ATP9A: variants seen among roughly 807,000 people sequenced by gnomAD.
ATP9A encodes the protein ATPase phospholipid transporting 9A, also known as probable phospholipid-transporting ATPase IIA.
ATP9A carries 52 observed loss-of-function variants against 144.1 expected under a neutral mutation model. The ratio of observed to expected loss-of-function variants is 0.36; its 90% CI spans 0.29 to 0.45. The LOEUF (loss-of-function observed/expected upper bound fraction) is 0.45, where lower values mean the gene tolerates loss of function less well. Among genes scored for constraint, ATP9A ranks in the 20% least tolerant of loss-of-function variants. The probability of loss-of-function intolerance (pLI) is 1.00; values close to 1 mark genes in which losing one functional copy is unlikely to be tolerated. For synonymous variants in ATP9A, 582 were observed against 557.4 expected, an observed-to-expected ratio of 1.04 and a Z score of -0.62; for missense variants, 947 against 1,392.7, an observed-to-expected ratio of 0.68 and a Z score of 5.09.
At chr20:51,661,522 C>T (rs2077410615) in intron 13 of ATP9A, among the ~76,000 whole-genome samples, 1 of 130,646 alleles carries the variant, frequency 7.7e-6, no homozygotes, top group Non-Finnish European at 1.6e-5. Context: ...ACCACCATGC[C>T]CAGCTTTTTT....
intron 3 of ATP9A, among the ~76,000 whole-genome samples, chr20:51,718,297 G>A (rs962996380): frequency 1.1e-4 from 17 of 151,464 alleles, no homozygotes; most frequent in African/African-American, 3.9e-4. Flanking sequence ...GCACTGGAAG[G>A]AAACACACCA....
chr20:51,631,676 AC>A (rs1389139398), intron 15 of ATP9A, among the ~76,000 whole-genome samples: 2 of 152,102 alleles, frequency 1.3e-5, no homozygotes, highest in African/African-American at 4.8e-5. Flanking sequence ...ATCTTTTCCC[AC>A]CGTGGTCTGC....
In ATP9A at chr20:51,744,538, C is replaced by G. The variant is rs76174395; in HGVS notation, c.69-14560G>C. 9.2e-3 allele frequency among the ~76,000 whole-genome samples: 1,395 copies of G among 152,314 alleles called. 19 individuals are homozygous for G. Among genetic ancestry groups the G allele is most frequent in the African/African-American group, 0.032 (1,312 of 41,562 alleles). ...TTAAGACAAATAAAGGTTTTAACAG[C>G]AGATAGTCTGCTAACCAGATGTGCA... On this transcript the variant is annotated intron_variant, in intron 1 of 27. Transcript: ENST00000338821.
At chr20:51,695,457 G>A (rs905826999) in intron 6 of ATP9A, among the ~76,000 whole-genome samples, 55 of 128,910 alleles carry the variant, frequency 4.3e-4, no homozygotes, top group African/African-American at 1.3e-3. Context: ...AGCAAGACCC[G>A]GTCTCAAGGA....
At chr20:51,758,915 ACT>A (rs1034082146) in intron 1 of ATP9A, among the ~76,000 whole-genome samples, 10 of 151,878 alleles carry the variant, frequency 6.6e-5, no homozygotes, top group African/African-American at 2.2e-4. Flanking sequence ...ACAGAAGGAG[ACT>A]CTGTCTCAAA....
intron 4 of ATP9A, among the ~76,000 whole-genome samples, chr20:51,708,243 G>A (rs1320141488): frequency 6.6e-6 from 1 of 150,992 alleles, no homozygotes; most frequent in Non-Finnish European, 1.5e-5. Context: ...ACTTGAGCTC[G>A]GGAGTTCAAA....
intron 9 of ATP9A, among the ~76,000 whole-genome samples, chr20:51,677,857 T>C (rs6013252): frequency 0.27 from 41,402 of 151,916 alleles, 6,735 homozygotes; most frequent in African/African-American, 0.45. Flanking sequence ...AATCAAAAAA[T>C]GCAAAATCAT....
At chr20:51,635,802 G>GAGGAAGGAAGGAAGGAAGGA (rs1555830936) in intron 15 of ATP9A, among the ~76,000 whole-genome samples, 1,154 of 46,690 alleles carry the variant, frequency 0.025, 43 homozygotes, top group Non-Finnish European at 0.038. Context: ...AGGAGGGGAG[G>GAGGAAGGAAGGAAGGAAGGA]AGGAAGGAAG....
At chr20:51,690,502 A>G (rs184870500) in intron 8 of ATP9A, among the ~76,000 whole-genome samples, 25 of 152,360 alleles carry the variant, frequency 1.6e-4, no homozygotes, top group African/African-American at 5.5e-4. Context: ...CATGAATTGC[A>G]GCAAATGCTT....
At chr20:51,627,416 G>T (rs2077253800) in intron 17 of ATP9A, among the ~76,000 whole-genome samples, 184 bp downstream of exon 17, 1 of 152,154 alleles carries the variant, frequency 6.6e-6, no homozygotes, top group African/African-American at 2.4e-5. Context: ...GGGCCATGGG[G>T]CTCTGTGGGT....
intron 3 of ATP9A, among the ~76,000 whole-genome samples, chr20:51,718,367 T>C (rs2077671513): frequency 7.1e-6 from 1 of 141,522 alleles, no homozygotes; most frequent in South Asian, 2.7e-4. Flanking sequence ...TCACCCTATG[T>C]GTGTGTGGGG....
intron 16 of ATP9A, 117 bp downstream of exon 16, chr20:51,628,863 G>C: frequency 1.3e-6 from 1 of 782,552 alleles, no homozygotes; most frequent in South Asian, 1.7e-5. Context: ...CTGCATTTCA[G>C]GGTGGTTTGT....
At chr20:51,679,627 C>G (rs1020567905) in intron 9 of ATP9A, among the ~76,000 whole-genome samples, 1 of 152,208 alleles carries the variant, frequency 6.6e-6, no homozygotes, top group African/African-American at 2.4e-5. Flanking sequence ...CACTCCCACC[C>G]TCTGCAGCCT....
chr20:51,602,967 C>T (rs1405914438), intron 27 of ATP9A, among the ~76,000 whole-genome samples: 2 of 152,164 alleles, frequency 1.3e-5, no homozygotes, highest in East Asian at 3.9e-4. Context: ...GGGTCCACAC[C>T]ACCCCCACTG....
rs527543686 is a variant in ATP9A, at chr20:51,675,209, G to A, written c.877-896C>T. On this transcript the variant is annotated intron_variant, in intron 10 of 27. Coordinates refer to ENST00000338821, the MANE Select transcript of ATP9A (RefSeq NM_006045.3). ...CATAACTTCATAGAAACATGCCCCA[G>A]GATAAGGCTAAAACATTAAACAAAC... Among the ~76,000 whole-genome samples, 24 of 152,270 alleles carry A rather than the reference G, an allele frequency of 1.6e-4. No individual in the cohort carries two copies. In the South Asian group the frequency reaches 5.0e-3, roughly 32 times the overall value.
chr20:51,750,198 G>A (rs950063479), intron 1 of ATP9A, among the ~76,000 whole-genome samples: 9 of 152,126 alleles, frequency 5.9e-5, no homozygotes, highest in South Asian at 2.1e-4. Flanking sequence ...AGCTCACCCC[G>A]CTGCCCAAAC....
chr20:51,618,922 G>A (rs1244399358), intron 20 of ATP9A, 32 bp downstream of exon 20: 1 of 1,611,710 alleles, frequency 6.2e-7, no homozygotes, highest in Admixed American at 1.7e-5. Context: ...AGGCTGCTGG[G>A]AGGACTGGCT....
chr20:51,646,647 C>T, intron 14 of ATP9A, among the ~76,000 whole-genome samples: 1 of 152,296 alleles, frequency 6.6e-6, no homozygotes, highest in Admixed American at 6.5e-5. Context: ...GCTTGGCCAA[C>T]CACTGCCAGG....
At chr20:51,634,064 A>T (rs184162122) in intron 15 of ATP9A, among the ~76,000 whole-genome samples, 1 of 152,296 alleles carries the variant, frequency 6.6e-6, no homozygotes, top group East Asian at 1.9e-4. Context: ...CCCATCTGAC[A>T]GCATCACAGA....
Sources: allele counts gnomAD v4.1 joint callset (sites outside exome capture counted in the v4.1 genomes callset), GRCh38; gene constraint gnomAD v4.1.1; transcripts MANE v1.5; gene names NCBI Gene and HGNC (gene_info 2026-07-23, HGNC 2026-07-21).